The following ITGB6 variants were observed in gnomAD, a reference collection of about 807,000 sequenced individuals.
The protein encoded by ITGB6 is integrin subunit beta 6, also known as integrin beta-6.
In ITGB6, 80 loss-of-function variants were observed where a neutral mutation model predicts 84.5. The observed-to-expected ratio is 0.95, with a 90% confidence interval of 0.79 to 1.14. The LOEUF is 1.14. Ranked by LOEUF, ITGB6 falls within the 50% of genes most tolerant of loss-of-function variation. The pLI, the probability that ITGB6 is intolerant of heterozygous loss-of-function variation, is 0.00. For synonymous variants in ITGB6, 383 were observed against 354.9 expected, an observed-to-expected ratio of 1.08 and a Z score of -0.89; for missense variants, 1,006 against 968.0, an observed-to-expected ratio of 1.04 and a Z score of -0.52.
chr2:160,149,186 C>T (rs187569697), intron 7 of ITGB6, among the ~76,000 whole-genome samples: 1 of 152,240 alleles, frequency 6.6e-6, no homozygotes, highest in South Asian at 2.1e-4. Flanking sequence ...CTGGGAGACA[C>T]CTCCCAGTAG....
rs751516432 is a variant in ITGB6 at position 160,112,059 on chromosome 2, A to C, written c.2101+21T>G. The C allele has an allele frequency of 7.5e-6, 12 of 1,610,508 alleles. No individual in the cohort carries two copies. The East Asian group carries it at 2.7e-4, about 36-fold the overall frequency. ...CTGTGTAGTATCATTTGCCATCGGCAATGGAAGGCAAAACACCCACCTTTT... is the reference window on the plus strand; with the variant it reads ...CTGTGTAGTATCATTTGCCATCGGCCATGGAAGGCAAAACACCCACCTTTT... On this transcript the variant is annotated intron_variant, in intron 13 of 14. Coordinates refer to ENST00000283249, the MANE Select transcript of ITGB6 (RefSeq NM_000888.5).
intron 7 of ITGB6, among the ~76,000 whole-genome samples, chr2:160,158,110 G>A (rs1452147091): frequency 6.8e-6 from 1 of 146,700 alleles, no homozygotes; most frequent in Non-Finnish European, 1.5e-5. Flanking sequence ...CTGTCTCTGG[G>A]TTGCATGATA....
chr2:160,123,664 G>T, intron 12 of ITGB6, 127 bp downstream of exon 12: 1 of 654,534 alleles, frequency 1.5e-6, no homozygotes, highest in East Asian at 2.6e-5. Context: ...AAATGAATGT[G>T]AGTGAGCTAA....
At chr2:160,110,335 T>C (rs982506796) in intron 13 of ITGB6, among the ~76,000 whole-genome samples, 3 of 152,240 alleles carry the variant, frequency 2.0e-5, no homozygotes, top group Non-Finnish European at 2.9e-5. Flanking sequence ...AATTAATACA[T>C]GTAAAATATA....
chr2:160,158,735 G>T (rs1434665504), intron 7 of ITGB6, among the ~76,000 whole-genome samples: 1 of 152,176 alleles, frequency 6.6e-6, no homozygotes, highest in Non-Finnish European at 1.5e-5. Flanking sequence ...TGCAAAAGAG[G>T]CTTCAGCTCT....
At chr2:160,143,476 T>C (rs1684078162) in intron 7 of ITGB6, among the ~76,000 whole-genome samples, 1 of 152,214 alleles carries the variant, frequency 6.6e-6, no homozygotes, top group Non-Finnish European at 1.5e-5. Context: ...ACTAATTTAC[T>C]CATTTATCTA....
chr2:160,144,553 A>G (rs1403467922), intron 7 of ITGB6, among the ~76,000 whole-genome samples: 1 of 152,154 alleles, frequency 6.6e-6, no homozygotes, highest in East Asian at 1.9e-4. Context: ...GGCAGAGGGA[A>G]CCTTTCGCGC....
At chr2:160,147,412 T>A (rs973229399) in intron 7 of ITGB6, among the ~76,000 whole-genome samples, 3 of 152,186 alleles carry the variant, frequency 2.0e-5, no homozygotes, top group African/African-American at 4.8e-5. Context: ...AATTAATAAT[T>A]TCATTTATAG....
intron 10 of ITGB6, among the ~76,000 whole-genome samples, chr2:160,130,147 TG>T (rs1422704601): frequency 6.6e-6 from 1 of 152,120 alleles, no homozygotes; most frequent in Non-Finnish European, 1.5e-5. Context: ...GTTACTGTGC[TG>T]GGTACTGGAG....
chr2:160,102,215 CA>C (rs1696748834), intron 14 of ITGB6, among the ~76,000 whole-genome samples: 1 of 151,962 alleles, frequency 6.6e-6, no homozygotes, highest in African/African-American at 2.4e-5. Flanking sequence ...AAAGTGAAAT[CA>C]AAGCCAAAAA....
chr2:160,139,451 T>C (rs1683904563), intron 8 of ITGB6, among the ~76,000 whole-genome samples: 1 of 152,130 alleles, frequency 6.6e-6, no homozygotes, highest in Admixed American at 6.5e-5. Context: ...TATAGTAAAA[T>C]GACCCTGCCT....
intron 4 of ITGB6, among the ~76,000 whole-genome samples, chr2:160,189,094 A>C (rs1450221604): frequency 6.6e-6 from 1 of 152,156 alleles, no homozygotes; most frequent in Non-Finnish European, 1.5e-5. Flanking sequence ...CAAAAATAAG[A>C]AATGGGGAAA....
At chr2:160,164,614 T>A (rs1684936211) in intron 7 of ITGB6, among the ~76,000 whole-genome samples, 1 of 152,076 alleles carries the variant, frequency 6.6e-6, no homozygotes, top group Non-Finnish European at 1.5e-5. Context: ...AAGAATCACT[T>A]GAACCTGGGA....
At chr2:160,101,929 C>T in intron 14 of ITGB6, 95 bp from the exon 15 acceptor site, 1 of 705,362 alleles carries the variant, frequency 1.4e-6, no homozygotes. Flanking sequence ...GAGTCAAGCT[C>T]AGTCTTGGAA....
intron 7 of ITGB6, among the ~76,000 whole-genome samples, chr2:160,160,165 C>A (rs1389872152): frequency 6.6e-6 from 1 of 152,166 alleles, no homozygotes; most frequent in African/African-American, 2.4e-5. Context: ...ATAATCATGA[C>A]AGAAACCATG....
At chr2:160,190,772 T>C (rs940462072) in intron 4 of ITGB6, among the ~76,000 whole-genome samples, 3 of 152,228 alleles carry the variant, frequency 2.0e-5, no homozygotes, top group African/African-American at 7.2e-5. Flanking sequence ...TAGTTCAAGA[T>C]GCTGGGATAC....
intron 10 of ITGB6, among the ~76,000 whole-genome samples, chr2:160,131,328 C>T (rs1385786789): frequency 1.3e-5 from 2 of 152,138 alleles, no homozygotes. Flanking sequence ...AGCTCTGTAT[C>T]TTTGAGTGCT....
intron 7 of ITGB6, among the ~76,000 whole-genome samples, chr2:160,159,176 C>T (rs1181277750): frequency 6.6e-6 from 1 of 151,752 alleles, no homozygotes; most frequent in Non-Finnish European, 1.5e-5. Context: ...TTTAAGAGGT[C>T]CCTGTCCCCC....
chr2:160,114,665 G>A (rs1462947213), intron 12 of ITGB6, among the ~76,000 whole-genome samples: 1 of 152,186 alleles, frequency 6.6e-6, no homozygotes, highest in Non-Finnish European at 1.5e-5. Flanking sequence ...GCAGGTCAGT[G>A]GGTGCGCGCA....
Sources: gnomAD v4.1 joint callset for allele counts (sites outside exome capture counted in the v4.1 genomes callset) on GRCh38, gnomAD v4.1.1 for gene constraint, MANE v1.5 for transcripts, NCBI Gene and HGNC (gene_info 2026-07-23, HGNC 2026-07-21) for gene names.